NEXMIF: variants seen among roughly 807,000 people sequenced by gnomAD.
The protein encoded by NEXMIF is neurite extension and migration factor.
A neutral mutation model predicts 62.1 loss-of-function variants in NEXMIF; 8 were observed. The ratio of observed to expected loss-of-function variants is 0.13; its 90% confidence interval spans 0.08 to 0.23. The LOEUF (loss-of-function observed/expected upper bound fraction) is 0.23, where lower values mean the gene tolerates loss of function less well. Among genes scored for constraint, NEXMIF ranks in the 10% least tolerant of loss-of-function variants. NEXMIF has a pLI of 1.00. For synonymous variants in NEXMIF, 404 were observed against 416.6 expected (o/e 0.97, Z 0.37); for missense variants, 976 against 1,113.3 (o/e 0.88, Z 1.75).
chrX:74,867,895 G>A (rs775169782), intron 1 of NEXMIF, among the ~76,000 whole-genome samples: 4 of 111,887 alleles, frequency 3.6e-5, no homozygotes, highest in Admixed American at 9.5e-5. Context: ...TCTGACAAAG[G>A]TCTAATATCC....
chrX:74,782,786 A>G (rs1016174211), intron 1 of NEXMIF, among the ~76,000 whole-genome samples: 1 of 112,103 alleles, frequency 8.9e-6, no homozygotes, highest in African/African-American at 3.2e-5. Flanking sequence ...TTAGAGACTT[A>G]GCTAATTTCC....
intron 1 of NEXMIF, among the ~76,000 whole-genome samples, chrX:74,840,735 G>T (rs752099416): frequency 8.9e-6 from 1 of 111,864 alleles, no homozygotes; most frequent in East Asian, 2.8e-4. Context: ...TTATTGAATA[G>T]GAAGTCTTTT....
At position 74,733,638 on chromosome X, in the gene NEXMIF, A is replaced by G. The variant is rs1455224723; in HGVS notation, c.*5767T>C. ...AAACTCAGCTAGGTAACATTATGAC[A>G]GTTTCACCGTACATTCAGTCACAAA... On this transcript the variant is annotated 3_prime_UTR_variant, in exon 4 of 4. Transcript: ENST00000055682. 1 of 112,674 alleles carries G rather than the reference A, an allele frequency of 8.9e-6. No homozygotes were observed. Among genetic ancestry groups the G allele is most frequent in the Admixed American group, 9.5e-5 (1 of 10,532 alleles). 9.3% of individuals were successfully genotyped at this position (112,674 alleles called of 1,213,427 possible).
chrX:74,781,471 G>A (rs2080246586), intron 1 of NEXMIF, among the ~76,000 whole-genome samples: 1 of 107,640 alleles, frequency 9.3e-6, no homozygotes, highest in Non-Finnish European at 2.0e-5. Flanking sequence ...GGAAGCCTTA[G>A]GTTTCCTTAG....
intron 1 of NEXMIF, among the ~76,000 whole-genome samples, chrX:74,827,388 A>G (rs1421689454): frequency 8.9e-6 from 1 of 111,827 alleles, no homozygotes; most frequent in Admixed American, 9.5e-5. Context: ...AAGCTCCAGC[A>G]GGTGGGCCCA....
At chrX:74,799,519 C>A (rs1166550504) in intron 1 of NEXMIF, among the ~76,000 whole-genome samples, 2 of 112,535 alleles carry the variant, frequency 1.8e-5, no homozygotes, top group African/African-American at 3.2e-5. Flanking sequence ...ATTTACCACA[C>A]TGGTCAGCAG....
At position 74,819,974 on chromosome X, in the gene NEXMIF, C is replaced by T. The variant is rs535226939; in HGVS notation, c.-47-74277G>A. ...AATGATAGACTGGATTAAGAAAATG[C>T]GGCACATATACACCATGGAATACTA... On this transcript the variant is annotated intron_variant, in intron 1 of 3. Coordinates refer to ENST00000055682, the MANE Select transcript of NEXMIF (RefSeq NM_001008537.3). Among the ~76,000 whole-genome samples, 421 of 111,530 alleles carry T rather than the reference C, an allele frequency of 3.8e-3. 1 individual carries two copies. Among genetic ancestry groups the T allele is most frequent in the Middle Eastern group, 0.014 (3 of 214 alleles).
rs911979036 is a variant in NEXMIF at position 74,742,569 on chromosome X, C to G, written c.1988G>C (p.Ser663Thr). The G allele has an allele frequency of 2.5e-6, 3 of 1,208,930 alleles. No individual in the cohort carries two copies. The highest frequency in any genetic ancestry group is 3.4e-6 in the Non-Finnish European group (3 of 893,891). ...TAGGCCTCCATCTTCTTTATGATTA[C>G]TAGCGTGCCTCTGATCATTACATAA... Reference protein sequence around the residue: ...ISLCNDQRHASNHKEDGGLKG... With the variant: ...ISLCNDQRHATNHKEDGGLKG... Residue 663 changes from serine (S) to threonine (T), a missense_variant, in exon 3 of 4, where the codon AGT (serine) becomes ACT (threonine). This residue lies in a region of NEXMIF where 639 missense variants were observed against 694.5 expected (regional missense o/e 0.92). Coordinates refer to ENST00000055682, the MANE Select transcript of NEXMIF (RefSeq NM_001008537.3).
intron 1 of NEXMIF, among the ~76,000 whole-genome samples, chrX:74,857,232 C>T (rs948193862): frequency 7.1e-5 from 8 of 111,944 alleles, no homozygotes; most frequent in African/African-American, 2.3e-4. Context: ...GGCTGCACAG[C>T]TCATGGCTCC....
chrX:74,826,717 G>A (rs898175900), intron 1 of NEXMIF, among the ~76,000 whole-genome samples: 1 of 109,694 alleles, frequency 9.1e-6, no homozygotes, highest in South Asian at 3.9e-4. Context: ...TTCCCCCTGT[G>A]TTTTTTTCAA....
At chrX:74,902,636 C>A (rs1224818157) in intron 1 of NEXMIF, among the ~76,000 whole-genome samples, 1 of 111,159 alleles carries the variant, frequency 9.0e-6, no homozygotes, top group African/African-American at 3.3e-5. Flanking sequence ...CTTCACTTAC[C>A]TGAGACACTG....
chrX:74,840,376 G>A (rs1365614474), intron 1 of NEXMIF, among the ~76,000 whole-genome samples: 1 of 111,616 alleles, frequency 9.0e-6, no homozygotes, highest in Non-Finnish European at 1.9e-5. Context: ...AAAAATCAGA[G>A]AGGACACAAA....
chrX:74,819,778 G>A (rs752253605), intron 1 of NEXMIF, among the ~76,000 whole-genome samples: 11 of 111,949 alleles, frequency 9.8e-5, no homozygotes, highest in Non-Finnish European at 2.1e-4. Context: ...AGACAGTGTA[G>A]CGATCCCTCA....
chrX:74,827,151 T>A (rs1376505843), intron 1 of NEXMIF, among the ~76,000 whole-genome samples: 1 of 112,615 alleles, frequency 8.9e-6, no homozygotes, highest in East Asian at 2.8e-4. Context: ...ACAACCTAAA[T>A]GACCCCCAAG....
At chrX:74,828,322 A>T (rs1478298253) in intron 1 of NEXMIF, among the ~76,000 whole-genome samples, 1 of 112,191 alleles carries the variant, frequency 8.9e-6, no homozygotes, top group Non-Finnish European at 1.9e-5. Flanking sequence ...ATGATACAGC[A>T]GTTGTAGGAA....
intron 1 of NEXMIF, among the ~76,000 whole-genome samples, chrX:74,780,747 A>G (rs1234954670): frequency 8.9e-6 from 1 of 112,089 alleles, no homozygotes; most frequent in Non-Finnish European, 1.9e-5. Context: ...TTTGATCTGT[A>G]CAACAAAGCT....
intron 1 of NEXMIF, among the ~76,000 whole-genome samples, chrX:74,816,153 CCT>C (rs2080375363): frequency 8.9e-6 from 1 of 111,864 alleles, no homozygotes; most frequent in Non-Finnish European, 1.9e-5. Flanking sequence ...CTCACAACAA[CCT>C]CTTTCTTTCT....
rs147908044 is a variant in NEXMIF at position 74,744,210 on chromosome X, T to C, written c.347A>G (p.Asn116Ser). 57 of 1,209,517 alleles carry C rather than the reference T, an allele frequency of 4.7e-5. No homozygotes were observed. In the African/African-American group the frequency reaches 6.7e-4, roughly 14 times the overall value. Reference sequence around the variant, plus strand: ...GGCAAATGGAGCTTTCTCACATTCATTGGGAAGTGACCATGTGTTCAGGCC... The same window carrying C: ...GGCAAATGGAGCTTTCTCACATTCACTGGGAAGTGACCATGTGTTCAGGCC... ...AKGLNTWSLP[N>S]ECEKAPFAIM... is the part of the protein sequence containing the mutation. The change falls in exon 3 of 4, where the codon AAT becomes AGT. Residue 116 changes from asparagine to serine, a missense_variant. Around this residue, in one of 5 missense-constraint regions of NEXMIF, gnomAD observed 126 missense variants for 146.5 expected, o/e 0.86. Transcript: ENST00000055682.
intron 1 of NEXMIF, among the ~76,000 whole-genome samples, chrX:74,922,874 T>C: frequency 8.9e-6 from 1 of 111,948 alleles, no homozygotes; most frequent in Non-Finnish European, 1.9e-5. Context: ...TGTATGAGTT[T>C]ATGTCTGGGG....
Sources: gnomAD v4.1 joint callset for allele counts (sites outside exome capture counted in the v4.1 genomes callset) on GRCh38, gnomAD v4.1.1 for gene constraint, gnomAD v4.1.1 regional missense constraint, MANE v1.5 for transcripts, NCBI Gene and HGNC (gene_info 2026-07-23, HGNC 2026-07-21) for gene names.